Variants in FAM24B observed in about 807,000 individuals in gnomAD.
FAM24B encodes family with sequence similarity 24 member B.
FAM24B carries 3 observed loss-of-function variants against 2.3 expected under a neutral mutation model. The ratio of observed to expected loss-of-function variants is 1.29; its 90% CI spans 0.59 to 3.32. The LOEUF (loss-of-function observed/expected upper bound fraction) is 3.32, where lower values mean the gene tolerates loss of function less well. Among genes scored for constraint, FAM24B ranks in the 30% most tolerant of loss-of-function variants. FAM24B has a pLI of 0.03. For missense variants in FAM24B, 98 were observed against 117.2 expected, an observed-to-expected ratio of 0.84 and a Z score of 0.76; for synonymous variants, 36 against 46.3, an observed-to-expected ratio of 0.78 and a Z score of 0.90.
chr10:122,878,078 T>G (rs149009340), intron 1 of FAM24B, among the ~76,000 whole-genome samples: 44 of 152,280 alleles, frequency 2.9e-4, no homozygotes, highest in African/African-American at 1.0e-3. Flanking sequence ...ACTGACAAAT[T>G]CTCTCACAGT....
chr10:122,878,465 G>A (rs992741420), intron 1 of FAM24B, among the ~76,000 whole-genome samples: 3 of 151,546 alleles, frequency 2.0e-5, no homozygotes, highest in African/African-American at 7.3e-5. Context: ...CCCAAGAGGC[G>A]GAAGTTGCAG....
At chr10:122,850,062 C>G (rs556208918) in intron 3 of FAM24B, among the ~76,000 whole-genome samples, 33 of 152,266 alleles carry the variant, frequency 2.2e-4, no homozygotes, top group African/African-American at 7.7e-4. Context: ...CAGCCTCCCC[C>G]ACAGAATCTG....
At chr10:122,874,456 AT>A (rs1353175687) in intron 1 of FAM24B, among the ~76,000 whole-genome samples, 3 of 152,152 alleles carry the variant, frequency 2.0e-5, no homozygotes, top group African/African-American at 7.2e-5. Context: ...TCACTGACAA[AT>A]TTCCTTAGCT....
At chr10:122,860,706 C>T (rs1413392546) in intron 1 of FAM24B, among the ~76,000 whole-genome samples, 1 of 152,122 alleles carries the variant, frequency 6.6e-6, no homozygotes, top group African/African-American at 2.4e-5. Flanking sequence ...TTTTTGTTTG[C>T]TTGCTTGTCA....
intron 1 of FAM24B, among the ~76,000 whole-genome samples, chr10:122,868,582 C>T (rs1847840109): frequency 1.3e-5 from 2 of 152,104 alleles, no homozygotes; most frequent in Admixed American, 1.3e-4. Flanking sequence ...AACAGCTGAT[C>T]TCTCGGCAGA....
chr10:122,849,281 G>T lies in FAM24B; in HGVS notation c.251C>A (p.Pro84Gln), dbSNP rs1283669314. Residue 84 changes from proline (P) to glutamine (Q), a missense_variant, in exon 4 of 4, where the codon CCA (proline) becomes CAA (glutamine). Coordinates refer to ENST00000368898, the MANE Select transcript of FAM24B (RefSeq NM_152644.3). ...CTCATTTATGTCGCAACAGCAAGGT[G>T]GCAGGGAATCAAAACTGGCACACAT... is the stretch of plus-strand genomic sequence containing the variant. Reference protein sequence around the residue: ...YRMCASFDSLPPCCCDINEGL With the variant: ...YRMCASFDSLQPCCCDINEGL The T allele has an allele frequency of 5.0e-6, 8 of 1,584,496 alleles. No individual in the cohort carries two copies. Among genetic ancestry groups the T allele is most frequent in the Non-Finnish European group, 6.9e-6 (8 of 1,163,368 alleles).
chr10:122,854,512 A>C (rs1847602894), intron 2 of FAM24B, among the ~76,000 whole-genome samples: 1 of 152,154 alleles, frequency 6.6e-6, no homozygotes, highest in African/African-American at 2.4e-5. Context: ...CCCCAACTCT[A>C]TTATTCAAAG....
In FAM24B at chr10:122,850,290, C is replaced by T. The variant is rs1259839644; in HGVS notation, c.92+134G>A. On this transcript the variant is annotated intron_variant, in intron 3 of 3. Coordinates refer to ENST00000368898, the MANE Select transcript of FAM24B (RefSeq NM_152644.3). Reference sequence around the variant, plus strand: ...AGCTGCCTGTTCTTCTTGACTTCACCCAGGGTATGGCCACAGCAGCAAGGA... The same window carrying T: ...AGCTGCCTGTTCTTCTTGACTTCACTCAGGGTATGGCCACAGCAGCAAGGA... 5.6e-6 allele frequency: 4 copies of T among 713,514 alleles called. No individual in the cohort carries two copies. In the Admixed American group the frequency reaches 6.5e-5, roughly 12 times the overall value. The allele number at this position is 713,514 out of a possible 1,614,324, so 44.2% of individuals were successfully genotyped here.
intron 1 of FAM24B, among the ~76,000 whole-genome samples, chr10:122,859,428 G>A (rs772326380): frequency 1.2e-4 from 19 of 152,190 alleles, no homozygotes; most frequent in Non-Finnish European, 2.6e-4. Flanking sequence ...AAGAGAAGAT[G>A]GTGAGTGAGA....
chr10:122,865,872 C>A (rs758987845), intron 1 of FAM24B, among the ~76,000 whole-genome samples: 42 of 149,936 alleles, frequency 2.8e-4, no homozygotes, highest in Non-Finnish European at 5.6e-4. Flanking sequence ...TGATCCATTT[C>A]ATCTGTTATC....
At chr10:122,867,708 C>G (rs1453227059) in intron 1 of FAM24B, among the ~76,000 whole-genome samples, 1 of 152,182 alleles carries the variant, frequency 6.6e-6, no homozygotes, top group Non-Finnish European at 1.5e-5. Context: ...CAGTAAACTC[C>G]AACAGACTTG....
At chr10:122,872,452 T>C (rs1847912681) in intron 1 of FAM24B, among the ~76,000 whole-genome samples, 1 of 152,154 alleles carries the variant, frequency 6.6e-6, no homozygotes, top group Non-Finnish European at 1.5e-5. Context: ...GCCCAAAGGA[T>C]TATAAATCAT....
Position 122,879,575 on chromosome 10 carries a change from G to T in FAM24B, c.-268C>A, listed in dbSNP as rs1483350656. The T allele has an allele frequency of 6.6e-6, 1 of 152,656 alleles. No individual in the cohort carries two copies. Among genetic ancestry groups the T allele is most frequent in the Non-Finnish European group, 1.5e-5 (1 of 68,344 alleles). The allele number at this position is 152,656 out of a possible 1,614,324, so 9.5% of individuals were successfully genotyped here. ...GTCGAAAAACCGCCGTGGTGCCCGC[G>T]CACAGTGCACCGCGCCTGCGCATGG... On this transcript the variant is annotated 5_prime_UTR_variant, in exon 1 of 4. Transcript: ENST00000368898.
At chr10:122,874,619 T>C (rs1417478196) in intron 1 of FAM24B, among the ~76,000 whole-genome samples, 1 of 152,202 alleles carries the variant, frequency 6.6e-6, no homozygotes, top group Non-Finnish European at 1.5e-5. Context: ...AATTCTTTTC[T>C]TGTTCCTCTA....
intron 1 of FAM24B, among the ~76,000 whole-genome samples, chr10:122,873,001 T>C (rs1166409082): frequency 2.0e-5 from 3 of 151,812 alleles, no homozygotes; most frequent in Non-Finnish European, 4.4e-5. Context: ...GTTCATGAGG[T>C]TTAAAAAATA....
rs367550960 is a variant in FAM24B, at chr10:122,871,011, G to T, written c.-178+8474C>A. Among the ~76,000 whole-genome samples, 755 of 152,258 alleles carry T rather than the reference G, an allele frequency of 5.0e-3. 7 individuals carry two copies. Among genetic ancestry groups the T allele is most frequent in the African/African-American group, 0.017 (712 of 41,550 alleles). Reference sequence around the variant, plus strand: ...AAGTCAAATTGTCCCTGTTTGCAGAGGACATGATTGTAAATCTAGAAAACC... The same window carrying T: ...AAGTCAAATTGTCCCTGTTTGCAGATGACATGATTGTAAATCTAGAAAACC... On this transcript the variant is annotated intron_variant, in intron 1 of 3. Coordinates refer to ENST00000368898, the MANE Select transcript of FAM24B (RefSeq NM_152644.3).
intron 1 of FAM24B, among the ~76,000 whole-genome samples, chr10:122,870,067 GA>G (rs1236807371): frequency 7.2e-5 from 11 of 152,072 alleles, no homozygotes; most frequent in African/African-American, 2.7e-4. Flanking sequence ...AAAGAGAGAA[GA>G]ATCACATAGA....
chr10:122,854,280 C>T (rs1003195202), intron 2 of FAM24B, among the ~76,000 whole-genome samples: 4 of 152,146 alleles, frequency 2.6e-5, no homozygotes, highest in African/African-American at 9.7e-5. Flanking sequence ...ATGAAGGCAA[C>T]CAGGAGGCAA....
intron 1 of FAM24B, among the ~76,000 whole-genome samples, chr10:122,860,390 A>G (rs1358891515): frequency 1.3e-5 from 2 of 152,200 alleles, no homozygotes; most frequent in Non-Finnish European, 2.9e-5. Flanking sequence ...CTGTTGTTTG[A>G]CTGGACCACA....
Sources: allele counts gnomAD v4.1 joint callset (sites outside exome capture counted in the v4.1 genomes callset), GRCh38; gene constraint gnomAD v4.1.1; transcripts MANE v1.5; gene names NCBI Gene and HGNC (gene_info 2026-07-23, HGNC 2026-07-21).